Variants in C12orf42 observed in about 807,000 individuals in gnomAD.
C12orf42 encodes chromosome 12 open reading frame 42.
Under a neutral mutation model 21.6 loss-of-function variants are expected in C12orf42, and 25 were observed. The ratio of observed to expected loss-of-function variants is 1.16; its 90% CI spans 0.84 to 1.62. The LOEUF is 1.62. C12orf42 is among the 40% of genes most tolerant of loss of function. The pLI is 0.00. For synonymous variants in C12orf42, 174 were observed against 175.0 expected (o/e 0.99, Z 0.05); for missense variants, 483 against 459.3 (o/e 1.05, Z -0.47).
At chr12:103,298,472 A>G (rs2037445952), downstream of C12orf42, among the ~76,000 whole-genome samples, 2 of 152,228 alleles carry the variant, frequency 1.3e-5, no homozygotes, top group Admixed American at 1.3e-4. Context: ...AAACAAATGG[A>G]AGAACATTCC....
At chr12:103,500,020 T>C (rs902745183), upstream of C12orf42, among the ~76,000 whole-genome samples, 6 of 152,316 alleles carry the variant, frequency 3.9e-5, no homozygotes, top group Non-Finnish European at 7.3e-5. Context: ...GAGAAAATAA[T>C]TTTACCTCTG....
At chr12:103,050,692 C>A in the C12orf42 span, among the ~76,000 whole-genome samples, 1 of 151,938 alleles carries the variant, frequency 6.6e-6, no homozygotes, top group African/African-American at 2.4e-5. Flanking sequence ...ATAACCAAAA[C>A]TTAGCCATTA....
intron 3 of C12orf42, among the ~76,000 whole-genome samples, chr12:103,386,060 T>G (rs2046584587): frequency 6.6e-6 from 1 of 152,210 alleles, no homozygotes; most frequent in Admixed American, 6.5e-5. Flanking sequence ...ACTCACTTGA[T>G]TCCCACAACA....
At chr12:103,502,813 A>G in the C12orf42 span, among the ~76,000 whole-genome samples, 917 of 152,244 alleles carry the variant, frequency 6.0e-3, 10 homozygotes, top group African/African-American at 0.021. Flanking sequence ...CAATTTAGGA[A>G]CCCTCAGTCT....
At chr12:103,098,721 A>T in the C12orf42 span, among the ~76,000 whole-genome samples, 1 of 152,248 alleles carries the variant, frequency 6.6e-6, no homozygotes, top group Non-Finnish European at 1.5e-5. Context: ...AGAAGGGTCC[A>T]TTAGCATCTT....
At chr12:103,183,027 G>A in the C12orf42 span, among the ~76,000 whole-genome samples, 63 of 152,134 alleles carry the variant, frequency 4.1e-4, no homozygotes, top group South Asian at 4.2e-4. Context: ...TACTCCTCTT[G>A]TATTTTGTGA....
At chr12:103,166,885 C>G in the C12orf42 span, among the ~76,000 whole-genome samples, 1 of 152,066 alleles carries the variant, frequency 6.6e-6, no homozygotes, top group Non-Finnish European at 1.5e-5. Flanking sequence ...GAGCTTGGCA[C>G]TTAGTAATGG....
intron 2 of C12orf42, among the ~76,000 whole-genome samples, chr12:103,451,781 A>T (rs1951959473): frequency 6.6e-6 from 1 of 151,892 alleles, no homozygotes; most frequent in Admixed American, 6.6e-5. Flanking sequence ...TGTGACCCTT[A>T]TCCAGCCTCC....
chr12:103,431,112 AGG>A (rs1177519500), intron 2 of C12orf42: 3 of 152,176 alleles, frequency 2.0e-5, no homozygotes, highest in Non-Finnish European at 4.4e-5. Flanking sequence ...AAAAATACCA[AGG>A]TACTATGAGG....
intron 2 of C12orf42, among the ~76,000 whole-genome samples, chr12:103,430,521 T>C (rs775750032): frequency 1.3e-5 from 2 of 152,184 alleles, no homozygotes; most frequent in African/African-American, 2.4e-5. Flanking sequence ...GGTGGGAGTG[T>C]AAATTAGTTC....
intron 4 of C12orf42, among the ~76,000 whole-genome samples, chr12:103,327,292 A>G (rs1032225995): frequency 1.3e-5 from 2 of 152,186 alleles, no homozygotes; most frequent in Non-Finnish European, 2.9e-5. Context: ...CATGATTCCA[A>G]TACAGGTATT....
the C12orf42 span, among the ~76,000 whole-genome samples, chr12:103,545,300 G>C: frequency 1.3e-5 from 2 of 152,170 alleles, no homozygotes; most frequent in African/African-American, 4.8e-5. Flanking sequence ...AGTTGAAGCA[G>C]ATGTTGGGTA....
At chr12:103,135,758 CAAAT>C in the C12orf42 span, among the ~76,000 whole-genome samples, 1 of 152,080 alleles carries the variant, frequency 6.6e-6, no homozygotes, top group African/African-American at 2.4e-5. Context: ...TCAACATATG[CAAAT>C]AAATAAATGT....
chr12:103,068,959 A>ATG, the C12orf42 span, among the ~76,000 whole-genome samples: 11 of 74,706 alleles, frequency 1.5e-4, no homozygotes, highest in Non-Finnish European at 2.6e-4. Flanking sequence ...ATATATATAT[A>ATG]TATATATATA....
chr12:103,511,678 T>C, the C12orf42 span, among the ~76,000 whole-genome samples: 3 of 152,112 alleles, frequency 2.0e-5, no homozygotes, highest in Admixed American at 2.0e-4. Flanking sequence ...AAAAATAAAG[T>C]AGAAGCAGGC....
the C12orf42 span, among the ~76,000 whole-genome samples, chr12:103,112,338 T>C: frequency 1.3e-5 from 2 of 152,216 alleles, no homozygotes; most frequent in African/African-American, 4.8e-5. Context: ...TTCATTTTGA[T>C]AGGTGGTCAG....
chr12:103,258,174 T>A (rs565180800), intron 10 of C12orf42, among the ~76,000 whole-genome samples: 1 of 152,188 alleles, frequency 6.6e-6, no homozygotes, highest in East Asian at 1.9e-4. Context: ...TGGAATATTA[T>A]CCCAGTGAGC....
the C12orf42 span, among the ~76,000 whole-genome samples, chr12:103,093,557 G>C: frequency 6.6e-6 from 1 of 152,096 alleles, no homozygotes; most frequent in African/African-American, 2.4e-5. Flanking sequence ...GGAGGGAAAG[G>C]TGAGAGGAAC....
the C12orf42 span, among the ~76,000 whole-genome samples, chr12:103,104,357 A>G: frequency 6.6e-6 from 1 of 152,236 alleles, no homozygotes; most frequent in African/African-American, 2.4e-5. Context: ...TGAACAAACA[A>G]ATTGAATACC....
Sources: allele counts gnomAD v4.1 joint callset (sites outside exome capture counted in the v4.1 genomes callset), GRCh38; gene constraint gnomAD v4.1.1; transcripts MANE v1.5; gene names NCBI Gene and HGNC (gene_info 2026-07-23, HGNC 2026-07-21).